The following HMCN1 variants were observed in gnomAD, a reference collection of about 807,000 sequenced individuals.
HMCN1 encodes the protein hemicentin-1.
HMCN1 carries 321 observed loss-of-function variants against 625.9 expected under a neutral mutation model. The observed-to-expected ratio is 0.51, with a 90% CI of 0.47 to 0.56. The LOEUF (loss-of-function observed/expected upper bound fraction) is 0.56. Among genes scored for constraint, HMCN1 ranks in the 20% least tolerant of loss-of-function variants. The probability of loss-of-function intolerance (pLI) is 0.00; values close to 1 mark genes in which losing one functional copy is unlikely to be tolerated. For missense variants in HMCN1, 6,588 were observed against 6,887.3 expected, an observed-to-expected ratio of 0.96 and a Z score of 1.54; for synonymous variants, 2,425 against 2,417.6, an observed-to-expected ratio of 1.00 and a Z score of -0.09.
intron 4 of HMCN1, among the ~76,000 whole-genome samples, chr1:185,872,979 A>G (rs1291864509): frequency 6.6e-6 from 1 of 152,204 alleles, no homozygotes; most frequent in Non-Finnish European, 1.5e-5. Flanking sequence ...AAAAAAGCAC[A>G]GAAGACCTAT....
At chr1:185,741,335 G>A (rs1002549991) in intron 1 of HMCN1, among the ~76,000 whole-genome samples, 2 of 152,186 alleles carry the variant, frequency 1.3e-5, no homozygotes, top group African/African-American at 4.8e-5. Flanking sequence ...GCAAGAAGCA[G>A]GTTTGATAAA....
chr1:186,016,410 G>T (rs1654372405), intron 32 of HMCN1, among the ~76,000 whole-genome samples, 171 bp downstream of exon 32: 1 of 152,062 alleles, frequency 6.6e-6, no homozygotes, highest in South Asian at 2.1e-4. Context: ...AGAGTCTCAG[G>T]TTCTAGAATC....
chr1:186,092,675 T>C (rs567458855), intron 64 of HMCN1, among the ~76,000 whole-genome samples: 1 of 152,114 alleles, frequency 6.6e-6, no homozygotes, highest in South Asian at 2.1e-4. Flanking sequence ...TTGCAAAATA[T>C]AGCCACATAT....
chr1:186,120,253 G>A (rs555537550), intron 80 of HMCN1, 108 bp downstream of exon 80: 20 of 1,242,636 alleles, frequency 1.6e-5, no homozygotes, highest in Non-Finnish European at 1.9e-5. Context: ...CATAGTTCTC[G>A]ACATTCTTAG....
Position 185,870,455 on chromosome 1 carries a change from T to G in HMCN1, c.621+4592T>G, listed in dbSNP as rs190806202. ...TATCCTTTTTCCCACCTCCGCCAAC[T>G]CATATCCTGTAACATTCCCTTCCCT... On this transcript the variant is annotated intron_variant, in intron 4 of 106. Transcript: ENST00000271588. Among the ~76,000 whole-genome samples the G allele has an allele frequency of 1.6e-3, 251 of 152,262 alleles. 1 individual carries two copies. Among genetic ancestry groups the G allele is most frequent in the Non-Finnish European group, 2.7e-3 (182 of 68,020 alleles).
At chr1:185,987,285 A>C in intron 19 of HMCN1, 147 bp from the exon 20 acceptor site, 1 of 688,540 alleles carries the variant, frequency 1.5e-6, no homozygotes, top group Non-Finnish European at 2.7e-6. Context: ...TCCTTTACAG[A>C]GATTATCCTA....
At chr1:186,165,643 A>G (rs937167582) in intron 98 of HMCN1, among the ~76,000 whole-genome samples, 1 of 152,246 alleles carries the variant, frequency 6.6e-6, no homozygotes, top group African/African-American at 2.4e-5. Context: ...AGAGGTACAG[A>G]TAACTGCTAA....
intron 35 of HMCN1, among the ~76,000 whole-genome samples, chr1:186,022,495 C>T (rs1470942458): frequency 3.9e-5 from 6 of 152,080 alleles, no homozygotes; most frequent in Admixed American, 3.9e-4. Context: ...TAGCATGTTT[C>T]AAAGAATAAC....
At chr1:186,040,837 C>G (rs1438650139) in intron 39 of HMCN1, among the ~76,000 whole-genome samples, 176 bp from the exon 40 acceptor site, 3 of 151,976 alleles carry the variant, frequency 2.0e-5, no homozygotes, top group South Asian at 2.1e-4. Context: ...AACATCCTTC[C>G]ACTGAGAAGA....
At chr1:186,003,913 A>G in intron 29 of HMCN1, 69 bp downstream of exon 29, 1 of 1,430,026 alleles carries the variant, frequency 7.0e-7, no homozygotes, top group South Asian at 1.2e-5. Context: ...ATGCATGTGG[A>G]TTTTCTCCCT....
chr1:186,019,643 T>C lies in HMCN1; in HGVS notation c.5573T>C (p.Ile1858Thr). 6.2e-7 allele frequency: 1 copy of C among 1,612,282 alleles called. No homozygotes were observed. Among genetic ancestry groups the C allele is most frequent in the Non-Finnish European group, 8.5e-7 (1 of 1,178,672 alleles). ...GCCAATGGGATTCCAAATCCTTCCA[T>C]TACATGGTTAAAAGATGACCAGCCT... is the stretch of plus-strand genomic sequence containing the variant. ...CIANGIPNPS[I>T]TWLKDDQPVN... The change falls in exon 35 of 107, where the codon ATT (isoleucine) becomes ACT (threonine). Residue 1858 changes from isoleucine (I) to threonine (T), a missense_variant. Physicochemically the swap from Ile to Thr is moderately conservative, Grantham distance 89. Transcript: ENST00000271588.
chr1:186,078,348 A>C, intron 55 of HMCN1, 128 bp downstream of exon 55: 1 of 711,348 alleles, frequency 1.4e-6, no homozygotes, highest in Non-Finnish European at 2.5e-6. Flanking sequence ...TAGTTCTCCC[A>C]AGGAGGTAAT....
chr1:185,889,402 A>G (rs1490211930), intron 4 of HMCN1, among the ~76,000 whole-genome samples: 3 of 147,766 alleles, frequency 2.0e-5, no homozygotes, highest in Admixed American at 1.3e-4. Flanking sequence ...TTCAAAGGGA[A>G]TGCTTCCAGT....
chr1:185,933,972 G>A, intron 11 of HMCN1, 148 bp downstream of exon 11: 3 of 750,220 alleles, frequency 4.0e-6, no homozygotes, highest in Admixed American at 2.0e-5. Flanking sequence ...CATACTCAGT[G>A]GTCTACAGCC....
In HMCN1 at chr1:186,190,645, A is replaced by C. The variant is rs1208059316; in HGVS notation, c.*767A>C. 1 of 191,982 alleles carries C rather than the reference A, an allele frequency of 5.2e-6. No individual in the cohort carries two copies. Among genetic ancestry groups the C allele is most frequent in the Non-Finnish European group, 1.1e-5 (1 of 91,544 alleles). The allele number at this position is 191,982 out of a possible 1,614,324, so 11.9% of individuals were successfully genotyped here. On this transcript the variant is annotated 3_prime_UTR_variant, in exon 107 of 107. Transcript: ENST00000271588. ...GTTAGCTTCATAACTTTTACGTTCC[A>C]GAATTTTGTTTATTTTCCTGTCAAT...
At chr1:185,890,050 T>G (rs955422274) in intron 4 of HMCN1, among the ~76,000 whole-genome samples, 5 of 151,742 alleles carry the variant, frequency 3.3e-5, no homozygotes, top group Admixed American at 2.0e-4. Context: ...AGAGTGTATG[T>G]GTCAAGGAAT....
chr1:185,959,960 T>C (rs1041624679), intron 11 of HMCN1, among the ~76,000 whole-genome samples: 1 of 152,098 alleles, frequency 6.6e-6, no homozygotes, highest in Non-Finnish European at 1.5e-5. Context: ...ATTAAAAAAT[T>C]AGCAGTTGAA....
chr1:186,071,314 A>G (rs1658469266), intron 52 of HMCN1, among the ~76,000 whole-genome samples: 1 of 152,216 alleles, frequency 6.6e-6, no homozygotes, highest in Non-Finnish European at 1.5e-5. Context: ...AAGCTAAAAA[A>G]GATGATGAAG....
intron 1 of HMCN1, among the ~76,000 whole-genome samples, chr1:185,781,063 T>C (rs969130978): frequency 1.3e-5 from 2 of 152,242 alleles, no homozygotes; most frequent in Admixed American, 1.3e-4. Flanking sequence ...AACTTCTTCC[T>C]GGTTTAGTCT....
Sources: gnomAD v4.1 joint callset for allele counts (sites outside exome capture counted in the v4.1 genomes callset) on GRCh38, gnomAD v4.1.1 for gene constraint, MANE v1.5 for transcripts, NCBI Gene and HGNC (gene_info 2026-07-23, HGNC 2026-07-21) for gene names.